Variants in PACRGL observed in about 807,000 individuals in gnomAD.
PACRGL encodes the protein PACRG-like protein.
PACRGL carries 38 observed loss-of-function variants against 34.5 expected under a neutral mutation model. That is an observed-to-expected ratio of 1.10 (90% confidence interval 0.85 to 1.44). PACRGL has a LOEUF of 1.44. Among genes scored for constraint, PACRGL ranks in the 40% most tolerant of loss-of-function variants. The pLI, the probability that PACRGL is intolerant of heterozygous loss-of-function variation, is 0.00. For synonymous variants in PACRGL, 128 were observed against 100.1 expected, an observed-to-expected ratio of 1.28 and a Z score of -1.66; for missense variants, 305 against 281.4, an observed-to-expected ratio of 1.08 and a Z score of -0.60.
the PACRGL span, among the ~76,000 whole-genome samples, chr4:20,762,519 G>A: frequency 6.6e-6 from 1 of 152,208 alleles, no homozygotes; most frequent in Non-Finnish European, 1.5e-5. Context: ...TGATTTACAA[G>A]ATGGTATACA....
At chr4:20,743,300 C>T (rs1751615623) in intron 8 of PACRGL, among the ~76,000 whole-genome samples, 1 of 152,136 alleles carries the variant, frequency 6.6e-6, no homozygotes, top group Non-Finnish European at 1.5e-5. Flanking sequence ...AAAACAGAGC[C>T]CACATTGCCA....
intron 3 of PACRGL, among the ~76,000 whole-genome samples, 169 bp from the exon 4 acceptor site, chr4:20,707,634 T>C (rs1300826486): frequency 6.6e-6 from 1 of 152,130 alleles, no homozygotes; most frequent in Non-Finnish European, 1.5e-5. Flanking sequence ...ATGTACCAAG[T>C]GTGGTCGTGG....
intron 7 of PACRGL, among the ~76,000 whole-genome samples, chr4:20,721,231 C>T (rs928319109): frequency 2.0e-5 from 3 of 152,118 alleles, no homozygotes; most frequent in Non-Finnish European, 4.4e-5. Flanking sequence ...TTCATCTAAT[C>T]TTTTTTCAAT....
chr4:20,699,332 AAGAT>A (rs1407784774), upstream of PACRGL, among the ~76,000 whole-genome samples: 1 of 152,200 alleles, frequency 6.6e-6, no homozygotes, highest in Non-Finnish European at 1.5e-5. Flanking sequence ...TCTAGTGAGA[AAGAT>A]AGGTAAATAC....
intron 3 of PACRGL, among the ~76,000 whole-genome samples, chr4:20,706,616 G>C (rs886646882): frequency 4.0e-5 from 6 of 150,278 alleles, no homozygotes; most frequent in Non-Finnish European, 8.9e-5. Context: ...TCGCTCCGTC[G>C]CCAGGCTGGA....
chr4:20,740,336 C>T (rs181055153), intron 8 of PACRGL, among the ~76,000 whole-genome samples: 46 of 151,602 alleles, frequency 3.0e-4, no homozygotes, highest in African/African-American at 1.0e-3. Flanking sequence ...CCAGGGAGGT[C>T]GGGTTACCCA....
chr4:20,725,018 A>G (rs1745027662), intron 8 of PACRGL, 130 bp downstream of exon 8: 1 of 536,438 alleles, frequency 1.9e-6, no homozygotes, highest in Non-Finnish European at 2.9e-6. Flanking sequence ...TGATGCTGTT[A>G]TTTTCCTTTT....
upstream of PACRGL, among the ~76,000 whole-genome samples, chr4:20,698,525 A>C (rs1731340155): frequency 6.6e-6 from 1 of 152,330 alleles, no homozygotes; most frequent in Non-Finnish European, 1.5e-5. Flanking sequence ...ATCCAACAGC[A>C]TGCTAGTTAG....
At chr4:20,748,869 C>CAT (rs1560431604) in intron 8 of PACRGL, among the ~76,000 whole-genome samples, 2 of 117,786 alleles carry the variant, frequency 1.7e-5, no homozygotes, top group South Asian at 2.9e-4. Context: ...ATATGAATTA[C>CAT]GTGTGTGTGT....
chr4:20,729,990 C>CTGAGCAAT lies in PACRGL; in HGVS notation c.*2650_*2657dup, dbSNP rs547071082. Reference sequence around the variant, plus strand: ...TTGCATAATATGCTTCAGTGTCAAGCTGAGCAATCTATGCTAAAAGTGGTA... The same window carrying CTGAGCAAT: ...TTGCATAATATGCTTCAGTGTCAAGCTGAGCAATTGAGCAATCTATGCTAAAAGTGGTA... On this transcript the variant is annotated 3_prime_UTR_variant, in exon 9 of 9. Transcript: ENST00000503585. 1.2e-4 allele frequency: 164 copies of CTGAGCAAT among 1,417,252 alleles called. 1 individual carries two copies. The East Asian group carries it at 3.8e-3, about 33-fold the overall frequency. 87.8% of individuals were successfully genotyped at this position (1,417,252 alleles called of 1,614,324 possible). A position where few individuals can be genotyped will look rare whatever the true frequency, so the allele number is the denominator to read the frequency against.
intron 1 of PACRGL, chr4:20,701,806 T>C (rs1336857277): frequency 8.8e-6 from 4 of 455,894 alleles, no homozygotes; most frequent in Non-Finnish European, 1.8e-5. Flanking sequence ...TCCAGTCTGC[T>C]CTCCGTATCC....
At chr4:20,726,602 TA>T (rs953552585) in intron 8 of PACRGL, among the ~76,000 whole-genome samples, 1 of 152,208 alleles carries the variant, frequency 6.6e-6, no homozygotes, top group Non-Finnish European at 1.5e-5. Flanking sequence ...CTTTCTTTCT[TA>T]AAATATTAGA....
intron 8 of PACRGL, among the ~76,000 whole-genome samples, chr4:20,725,184 A>G (rs187955124): frequency 1.3e-5 from 2 of 152,102 alleles, no homozygotes; most frequent in African/African-American, 4.8e-5. Flanking sequence ...TCTTAAAAGT[A>G]TTTTCAGTGG....
At chr4:20,721,419 A>G (rs983450302) in intron 7 of PACRGL, among the ~76,000 whole-genome samples, 24 of 152,002 alleles carry the variant, frequency 1.6e-4, no homozygotes, top group Admixed American at 1.2e-3. Context: ...TAGAATTTTC[A>G]GGTTTTCTGC....
chr4:20,710,143 T>C (rs1044655403), intron 5 of PACRGL, among the ~76,000 whole-genome samples: 4 of 152,334 alleles, frequency 2.6e-5, no homozygotes, highest in East Asian at 3.9e-4. Flanking sequence ...AGTGGTTCTA[T>C]GTACAACCAA....
At chr4:20,727,263 C>T in intron 8 of PACRGL, 22 bp from the exon 9 acceptor site, 1 of 1,592,984 alleles carries the variant, frequency 6.3e-7, no homozygotes, top group Non-Finnish European at 8.6e-7. Context: ...ACTAATGATG[C>T]TCAATTTTTT....
At chr4:20,716,910 C>A (rs1281602427) in intron 7 of PACRGL, among the ~76,000 whole-genome samples, 2 of 152,216 alleles carry the variant, frequency 1.3e-5, no homozygotes, top group Non-Finnish European at 2.9e-5. Context: ...AATCGCCACA[C>A]TGTCTTACAC....
At position 20,731,432 on chromosome 4, in the gene PACRGL, T is replaced by TAACA. The variant is rs1748172987; in HGVS notation, c.*4092_*4095dup. On this transcript the variant is annotated 3_prime_UTR_variant, in exon 9 of 9. Coordinates refer to ENST00000503585, the MANE Select transcript of PACRGL (RefSeq NM_001258345.3). ...TCAAGTCAAATAATTCTAAGTAAGC[T>TAACA]AACACTGGTTTCTTTGATAACAGGC... 1 of 985,284 alleles carries TAACA rather than the reference T, an allele frequency of 1.0e-6. No individual in the cohort carries two copies. Among genetic ancestry groups the TAACA allele is most frequent in the African/African-American group, 1.7e-5 (1 of 57,250 alleles). The allele number at this position is 985,284 out of a possible 1,614,324, so 61.0% of individuals were successfully genotyped here.
intron 8 of PACRGL, among the ~76,000 whole-genome samples, chr4:20,725,915 T>C (rs916801088): frequency 3.3e-5 from 5 of 152,016 alleles, no homozygotes; most frequent in African/African-American, 1.2e-4. Context: ...TGCAGAACTT[T>C]CCTCTAGCTA....
Sources: allele counts gnomAD v4.1 joint callset (sites outside exome capture counted in the v4.1 genomes callset), GRCh38; gene constraint gnomAD v4.1.1; transcripts MANE v1.5; gene names NCBI Gene and HGNC (gene_info 2026-07-23, HGNC 2026-07-21).